The following B3GALT1 variants were observed in gnomAD, a reference collection of about 807,000 sequenced individuals.
B3GALT1 encodes UDP-Gal:betaGlcNAc beta 1,3-galactosyltransferase, polypeptide 1.
B3GALT1 carries 10 observed loss-of-function variants against 23.2 expected under a neutral mutation model. The ratio of observed to expected loss-of-function variants is 0.43; its 90% CI spans 0.27 to 0.73. The LOEUF is 0.73. B3GALT1 is among the 30% of genes least tolerant of loss of function. The pLI, the probability that B3GALT1 is intolerant of heterozygous loss-of-function variation, is 0.21. For synonymous variants in B3GALT1, 156 were observed against 141.5 expected (o/e 1.10, Z -0.73); for missense variants, 299 against 405.4 (o/e 0.74, Z 2.25).
chr2:167,631,187 G>A (rs1685435076), intron 2 of B3GALT1, among the ~76,000 whole-genome samples: 1 of 151,700 alleles, frequency 6.6e-6, no homozygotes. Flanking sequence ...GTGTTTCTCT[G>A]AATGAGACTC....
chr2:167,778,643 AT>A (rs1688201133), intron 3 of B3GALT1, among the ~76,000 whole-genome samples: 1 of 152,194 alleles, frequency 6.6e-6, no homozygotes. Context: ...TTTTGTTAGT[AT>A]TTTGAAAAAG....
At chr2:167,415,432 A>C (rs1179799443) in intron 1 of B3GALT1, among the ~76,000 whole-genome samples, 1 of 152,140 alleles carries the variant, frequency 6.6e-6, no homozygotes. Flanking sequence ...TTTATTCATA[A>C]ATTACCCAGT....
chr2:167,443,544 C>T (rs964461446), intron 1 of B3GALT1, among the ~76,000 whole-genome samples: 5 of 152,204 alleles, frequency 3.3e-5, no homozygotes, highest in African/African-American at 1.2e-4. Context: ...TCTTTTATTT[C>T]GTTGAGCAGT....
intron 2 of B3GALT1, among the ~76,000 whole-genome samples, chr2:167,530,280 A>G (rs1180776651): frequency 6.6e-6 from 1 of 151,998 alleles, no homozygotes; most frequent in Non-Finnish European, 1.5e-5. Flanking sequence ...CTCTAAATCT[A>G]TTTTTGTTAT....
At chr2:167,658,867 A>C (rs1248873228) in intron 3 of B3GALT1, among the ~76,000 whole-genome samples, 1 of 152,110 alleles carries the variant, frequency 6.6e-6, no homozygotes, top group Non-Finnish European at 1.5e-5. Context: ...AATCAAGGCC[A>C]TGTAGATTTG....
chr2:167,520,975 G>A (rs997929087), intron 2 of B3GALT1, among the ~76,000 whole-genome samples: 1 of 151,944 alleles, frequency 6.6e-6, no homozygotes, highest in Non-Finnish European at 1.5e-5. Flanking sequence ...GCACAAACAA[G>A]ATTAACTTTT....
chr2:167,444,679 G>T (rs1375823420), intron 1 of B3GALT1, among the ~76,000 whole-genome samples: 1 of 152,102 alleles, frequency 6.6e-6, no homozygotes, highest in Non-Finnish European at 1.5e-5. Flanking sequence ...ATTCTCTGAT[G>T]GTAGTTTGTA....
intron 2 of B3GALT1, among the ~76,000 whole-genome samples, chr2:167,561,776 TA>T (rs558539647): frequency 2.4e-4 from 36 of 152,334 alleles, no homozygotes; most frequent in African/African-American, 8.4e-4. Context: ...AATCTCTGAA[TA>T]GACCAATAAC....
Position 167,642,226 on chromosome 2 carries a change from A to T in B3GALT1, c.-409-4683A>T, listed in dbSNP as rs148843503. Reference sequence around the variant, plus strand: ...ACTTGCTTCTCAAATTCTAGAATGAAAAAGGGTGATAATCAAATATTTTTC... The same window carrying T: ...ACTTGCTTCTCAAATTCTAGAATGATAAAGGGTGATAATCAAATATTTTTC... On this transcript the variant is annotated intron_variant, in intron 2 of 4. Coordinates refer to ENST00000392690, the MANE Select transcript of B3GALT1 (RefSeq NM_020981.4). Among the ~76,000 whole-genome samples, 10 of 152,302 alleles carry T rather than the reference A, an allele frequency of 6.6e-5. No individual in the cohort carries two copies. In the East Asian group the frequency reaches 1.7e-3, roughly 27 times the overall value.
At chr2:167,460,254 A>T (rs1461069907) in intron 1 of B3GALT1, among the ~76,000 whole-genome samples, 1 of 152,150 alleles carries the variant, frequency 6.6e-6, no homozygotes, top group Non-Finnish European at 1.5e-5. Flanking sequence ...GTTTTGCTTG[A>T]TGGTGTCCCA....
At chr2:167,598,487 C>T (rs572457086) in intron 2 of B3GALT1, among the ~76,000 whole-genome samples, 3 of 151,916 alleles carry the variant, frequency 2.0e-5, no homozygotes, top group East Asian at 1.9e-4. Flanking sequence ...TAAGTTTTGT[C>T]GCTGTAGAAA....
chr2:167,541,396 T>C (rs1683532082), intron 2 of B3GALT1, among the ~76,000 whole-genome samples: 1 of 152,168 alleles, frequency 6.6e-6, no homozygotes, highest in Non-Finnish European at 1.5e-5. Flanking sequence ...TAAATTGAAG[T>C]TGTAAAATTT....
At chr2:167,577,892 T>C (rs1269561266) in intron 2 of B3GALT1, among the ~76,000 whole-genome samples, 2 of 151,948 alleles carry the variant, frequency 1.3e-5, no homozygotes, top group African/African-American at 2.4e-5. Context: ...AAGAAAGATG[T>C]CTCTTAGTGA....
intron 1 of B3GALT1, among the ~76,000 whole-genome samples, chr2:167,428,244 G>A (rs1008662536): frequency 2.0e-5 from 3 of 152,208 alleles, no homozygotes; most frequent in Non-Finnish European, 2.9e-5. Context: ...GTGAGAGGTA[G>A]ACAGAAAATT....
chr2:167,324,928 T>C (rs1696868999), intron 1 of B3GALT1, among the ~76,000 whole-genome samples: 1 of 152,120 alleles, frequency 6.6e-6, no homozygotes, highest in Non-Finnish European at 1.5e-5. Context: ...CACCTCTACG[T>C]GGTCTACTTC....
intron 1 of B3GALT1, among the ~76,000 whole-genome samples, chr2:167,467,411 A>G (rs560306822): frequency 3.3e-5 from 5 of 152,326 alleles, no homozygotes; most frequent in African/African-American, 1.2e-4. Flanking sequence ...AGTAAAAAAC[A>G]AAAATGTCAC....
intron 3 of B3GALT1, among the ~76,000 whole-genome samples, chr2:167,754,100 T>A (rs1479401971): frequency 3.3e-5 from 5 of 152,178 alleles, no homozygotes; most frequent in Admixed American, 2.6e-4. Context: ...AAATCAGATT[T>A]CAGACAGAAA....
intron 3 of B3GALT1, among the ~76,000 whole-genome samples, chr2:167,774,224 G>A (rs2122085): frequency 0.49 from 74,488 of 151,826 alleles, 19,316 homozygotes; most frequent in African/African-American, 0.66. Context: ...ATTCTATAAT[G>A]CTCATTCTTT....
intron 2 of B3GALT1, among the ~76,000 whole-genome samples, chr2:167,627,714 G>A (rs1223936706): frequency 6.6e-6 from 1 of 151,574 alleles, no homozygotes; most frequent in Admixed American, 6.6e-5. Flanking sequence ...GGTCATATGA[G>A]AAGTGTATGC....
Sources: allele counts gnomAD v4.1 joint callset (sites outside exome capture counted in the v4.1 genomes callset), GRCh38; gene constraint gnomAD v4.1.1; transcripts MANE v1.5; gene names NCBI Gene and HGNC (gene_info 2026-07-23, HGNC 2026-07-21).